Variants in ULK4 observed in about 807,000 individuals in gnomAD.
ULK4 encodes the protein inactive serine/threonine-protein kinase ULK4.
A neutral mutation model predicts 160.6 loss-of-function variants in ULK4; 133 were observed. The observed-to-expected ratio is 0.83, with a 90% CI of 0.72 to 0.96. The LOEUF (loss-of-function observed/expected upper bound fraction) is 0.96. ULK4 is among the 40% of genes least tolerant of loss of function. ULK4 has a pLI of 0.00. For missense variants in ULK4, 1,580 were observed against 1,499.5 expected (o/e 1.05, Z -0.89); for synonymous variants, 534 against 539.8 (o/e 0.99, Z 0.15).
intron 29 of ULK4, among the ~76,000 whole-genome samples, chr3:41,665,383 T>C (rs1341383488): frequency 6.6e-6 from 1 of 152,118 alleles, no homozygotes; most frequent in East Asian, 1.9e-4. Flanking sequence ...AAGCAAAGAA[T>C]AGTCTGTGGA....
At chr3:41,354,400 A>G (rs2080987360) in intron 35 of ULK4, among the ~76,000 whole-genome samples, 1 of 152,170 alleles carries the variant, frequency 6.6e-6, no homozygotes, top group South Asian at 2.1e-4. Flanking sequence ...TAATTTCCAT[A>G]GATTGTATCC....
chr3:41,305,671 CTGG>C (rs2079897318), intron 35 of ULK4, among the ~76,000 whole-genome samples: 3 of 151,438 alleles, frequency 2.0e-5, no homozygotes, highest in African/African-American at 7.3e-5. Flanking sequence ...GCGTCTCTGC[CTGG>C]CCGCCCATCG....
At chr3:41,654,746 G>T (rs564491283) in intron 30 of ULK4, among the ~76,000 whole-genome samples, 3 of 152,292 alleles carry the variant, frequency 2.0e-5, no homozygotes, top group East Asian at 3.9e-4. Context: ...TGAACAAGTG[G>T]CTGAGAGCAC....
chr3:41,506,251 A>G (rs1243361373), intron 32 of ULK4, among the ~76,000 whole-genome samples: 1 of 152,172 alleles, frequency 6.6e-6, no homozygotes, highest in Non-Finnish European at 1.5e-5. Context: ...GAAAACCCCA[A>G]GGCCCCAGTA....
intron 5 of ULK4, among the ~76,000 whole-genome samples, chr3:41,928,731 A>C (rs984242736): frequency 1.3e-5 from 2 of 152,186 alleles, no homozygotes; most frequent in Non-Finnish European, 2.9e-5. Context: ...ATAAACTAGA[A>C]AATCTCGAAG....
chr3:41,870,927 G>C (rs1697065864), intron 17 of ULK4, among the ~76,000 whole-genome samples: 1 of 152,144 alleles, frequency 6.6e-6, no homozygotes, highest in Admixed American at 6.5e-5. Flanking sequence ...ACTGAATCAT[G>C]GGGGTGGTTT....
At chr3:41,768,533 T>C (rs1218714976) in intron 21 of ULK4, among the ~76,000 whole-genome samples, 3 of 152,160 alleles carry the variant, frequency 2.0e-5, no homozygotes, top group Non-Finnish European at 2.9e-5. Flanking sequence ...AAACAGCCTG[T>C]AGAGGTCCAC....
At chr3:41,573,777 G>A (rs1238712383) in intron 31 of ULK4, among the ~76,000 whole-genome samples, 6 of 152,142 alleles carry the variant, frequency 3.9e-5, no homozygotes, top group Non-Finnish European at 5.9e-5. Context: ...GTACAATGGC[G>A]CCAAAGTGCT....
chr3:41,493,251 A>C (rs542268445), intron 32 of ULK4, among the ~76,000 whole-genome samples: 1 of 146,826 alleles, frequency 6.8e-6, no homozygotes, highest in South Asian at 2.2e-4. Flanking sequence ...GTGCAATCAA[A>C]CTAGAACTCA....
intron 35 of ULK4, among the ~76,000 whole-genome samples, chr3:41,300,569 T>A (rs1473779892): frequency 2.6e-5 from 4 of 151,928 alleles, no homozygotes; most frequent in Non-Finnish European, 5.9e-5. Context: ...CCAAACAATA[T>A]GACACACCTG....
chr3:41,749,091 T>C (rs1420565808), intron 22 of ULK4, among the ~76,000 whole-genome samples: 5 of 152,246 alleles, frequency 3.3e-5, no homozygotes, highest in Non-Finnish European at 5.9e-5. Flanking sequence ...CAATATTCAG[T>C]AGAAACCATA....
chr3:41,675,037 C>A (rs775782168), intron 29 of ULK4, among the ~76,000 whole-genome samples: 1 of 151,932 alleles, frequency 6.6e-6, no homozygotes, highest in African/African-American at 2.4e-5. Flanking sequence ...GTCAAGAGAT[C>A]GAGACCATCC....
intron 22 of ULK4, among the ~76,000 whole-genome samples, chr3:41,733,966 A>T (rs188757698): frequency 2.1e-3 from 326 of 151,964 alleles, no homozygotes; most frequent in Non-Finnish European, 3.6e-3. Context: ...CAAACTCCTG[A>T]CCTTAGGTGA....
intron 32 of ULK4, among the ~76,000 whole-genome samples, chr3:41,563,869 T>C (rs1176010485): frequency 6.6e-6 from 1 of 152,224 alleles, no homozygotes; most frequent in Non-Finnish European, 1.5e-5. Flanking sequence ...TGTCAACTTA[T>C]CAAAGTCATT....
intron 32 of ULK4, among the ~76,000 whole-genome samples, chr3:41,516,902 C>A (rs1451872078): frequency 6.6e-6 from 1 of 152,162 alleles, no homozygotes; most frequent in African/African-American, 2.4e-5. Context: ...GCTTATTTCA[C>A]ACCACATGCC....
chr3:41,302,235 A>G (rs2079815641), intron 35 of ULK4, among the ~76,000 whole-genome samples: 1 of 152,222 alleles, frequency 6.6e-6, no homozygotes, highest in Non-Finnish European at 1.5e-5. Flanking sequence ...AAAAATTACA[A>G]CATTGCCTCT....
intron 3 of ULK4, chr3:41,937,486 A>G (rs758357239): frequency 6.2e-5 from 35 of 563,286 alleles, no homozygotes; most frequent in Non-Finnish European, 9.8e-5. Context: ...TTGTTACTCA[A>G]TGTATAAACA....
At chr3:41,640,225 G>A (rs2034126622) in intron 30 of ULK4, among the ~76,000 whole-genome samples, 1 of 152,094 alleles carries the variant, frequency 6.6e-6, no homozygotes, top group Non-Finnish European at 1.5e-5. Context: ...AGCTCACTAT[G>A]CACTCATACA....
chr3:41,682,423 A>C lies in ULK4; in HGVS notation c.2782-619T>G, dbSNP rs551660881. Among the ~76,000 whole-genome samples the C allele has an allele frequency of 2.4e-4, 36 of 152,382 alleles. No homozygotes were observed. In the Middle Eastern group the frequency reaches 0.017, roughly 72 times the overall value. ...GAATCCCTACTCCAGTCTAATGATG[A>C]AAACTACTGTTTCATTTGATGAACT... is the stretch of plus-strand genomic sequence containing the variant. On this transcript the variant is annotated intron_variant, in intron 27 of 36. Coordinates refer to ENST00000301831, the MANE Select transcript of ULK4 (RefSeq NM_017886.4).
Sources: gnomAD v4.1 joint callset for allele counts (sites outside exome capture counted in the v4.1 genomes callset) on GRCh38, gnomAD v4.1.1 for gene constraint, MANE v1.5 for transcripts, NCBI Gene and HGNC (gene_info 2026-07-23, HGNC 2026-07-21) for gene names.